Variants in SYNPO2L observed in about 807,000 individuals in gnomAD.
The protein encoded by SYNPO2L is synaptopodin 2-like protein.
In SYNPO2L, 34 loss-of-function variants were observed where a neutral mutation model predicts 47.5. The ratio of observed to expected loss-of-function variants is 0.72; its 90% CI spans 0.54 to 0.95. The LOEUF (loss-of-function observed/expected upper bound fraction) is 0.95, where lower values mean the gene tolerates loss of function less well. Among genes scored for constraint, SYNPO2L ranks in the 40% least tolerant of loss-of-function variants. The pLI, the probability that SYNPO2L is intolerant of heterozygous loss-of-function variation, is 0.00. For missense variants in SYNPO2L, 1,246 were observed against 1,282.0 expected, an observed-to-expected ratio of 0.97 and a Z score of 0.43; for synonymous variants, 536 against 524.9, an observed-to-expected ratio of 1.02 and a Z score of -0.29.
intron 3 of SYNPO2L, chr10:73,650,833 C>T (rs2081835222): frequency 6.9e-7 from 1 of 1,444,144 alleles, no homozygotes; most frequent in Non-Finnish European, 9.2e-7. Flanking sequence ...TTCCCAAAGA[C>T]TACCCTTCCT....
chr10:73,647,323 T>A lies in SYNPO2L; in HGVS notation c.2329A>T (p.Thr777Ser). Residue 777 changes from threonine to serine, a missense_variant, in exon 4 of 4, where the codon ACA becomes TCA. This residue lies in a region of SYNPO2L where 1,037 missense variants were observed against 1,021.5 expected (regional missense o/e 1.02). Transcript: ENST00000394810. Reference sequence around the variant, plus strand: ...CGAGGGCCAAGACCAGGACCAGGTGTACCTTCCACCACATACCTGTCCGCA... The same window carrying A: ...CGAGGGCCAAGACCAGGACCAGGTGAACCTTCCACCACATACCTGTCCGCA... ...SRADRYVVEGTPGPGLGPRPR... is the reference protein window; with the variant it reads ...SRADRYVVEGSPGPGLGPRPR... The A allele has an allele frequency of 6.2e-7, 1 of 1,614,042 alleles. No individual in the cohort carries two copies. Among genetic ancestry groups the A allele is most frequent in the Non-Finnish European group, 8.5e-7 (1 of 1,179,992 alleles).
chr10:73,652,531 G>T (rs761300505), intron 3 of SYNPO2L, among the ~76,000 whole-genome samples: 53 of 152,252 alleles, frequency 3.5e-4, no homozygotes, highest in Middle Eastern at 3.4e-3. Context: ...TTAGCCAGGT[G>T]TGGTGGCGGG....
chr10:73,653,617 G>A lies in SYNPO2L; in HGVS notation c.294C>T (p.Pro98=), dbSNP rs1035737823. The A allele has an allele frequency of 2.6e-6, 4 of 1,550,548 alleles. No homozygotes were observed. In the African/African-American group the frequency reaches 4.1e-5, roughly 16 times the overall value. The change falls in exon 3 of 4, where the codon CCC becomes CCT. Residue 98 remains proline, a synonymous_variant. Transcript: ENST00000394810. The part of the protein sequence containing the change: ...ADEGPVQSPS[P]HELQVLSPLS... ...AGGGTGACAGCACCTGAAGCTCATG[G>A]GGAGATGGAGATTGCACAGGACCCT...
chr10:73,654,101 G>A (rs180995331), intron 2 of SYNPO2L, 28 bp downstream of exon 2: 11 of 1,545,242 alleles, frequency 7.1e-6, no homozygotes, highest in South Asian at 2.4e-5. Context: ...CCTGGATTAG[G>A]GGAAGAGAAG....
At chr10:73,654,594 A>G (rs1208839853) in intron 1 of SYNPO2L, among the ~76,000 whole-genome samples, 1 of 152,164 alleles carries the variant, frequency 6.6e-6, no homozygotes, top group African/African-American at 2.4e-5. Context: ...CTGTAAGCCC[A>G]GTGCTTTGGG....
intron 3 of SYNPO2L, chr10:73,649,780 G>T (rs2081824016): frequency 1.0e-6 from 1 of 985,242 alleles, no homozygotes; most frequent in Non-Finnish European, 1.2e-6. Flanking sequence ...TGCCAGGGCA[G>T]TCCTCTGGGC....
At chr10:73,652,192 GC>G (rs1264745736) in intron 3 of SYNPO2L, among the ~76,000 whole-genome samples, 1 of 150,060 alleles carries the variant, frequency 6.7e-6, no homozygotes, top group Non-Finnish European at 1.5e-5. Flanking sequence ...TTGGTCTGTT[GC>G]TCACGCTGGA....
Position 73,647,239 on chromosome 10 carries a change from T to C in SYNPO2L, c.2413A>G (p.Ile805Val), listed in dbSNP as rs2081767139. ...LPPSWKYSPNIRAPPPIAYNP... is the reference protein window; with the variant it reads ...LPPSWKYSPNVRAPPPIAYNP... ...TAAGCAATAGGAGGCGGGGCACGGA[T>C]GTTGGGTGAATATTTCCAGGAAGGG... is the stretch of plus-strand genomic sequence containing the variant. Residue 805 changes from isoleucine to valine, a missense_variant, in exon 4 of 4, where the codon ATC (isoleucine) becomes GTC (valine). Coordinates refer to ENST00000394810, the MANE Select transcript of SYNPO2L (RefSeq NM_001114133.3). 3 of 1,613,358 alleles carry C rather than the reference T, an allele frequency of 1.9e-6. No individual in the cohort carries two copies. Among genetic ancestry groups the C allele is most frequent in the East Asian group, 4.5e-5 (2 of 44,798 alleles).
At position 73,648,341 on chromosome 10, in the gene SYNPO2L, G is replaced by T; in HGVS notation, c.1311C>A (p.Pro437=). 1 of 1,605,148 alleles carries T rather than the reference G, an allele frequency of 6.2e-7. No homozygotes were observed. The highest frequency in any genetic ancestry group is 1.1e-5 in the South Asian group (1 of 90,794). ...TGGCTACAGGCGCCGGCAAGGGGCT[G>T]GGTGGGAGCACAGCTGCCTCTGGGG... ...SAPPEAAVLP[P]SPLPAPVASP... is the part of the protein sequence containing the mutation. Residue 437 remains proline (P), a synonymous_variant, in exon 4 of 4, where the codon CCC becomes CCA. Coordinates refer to ENST00000394810, the MANE Select transcript of SYNPO2L (RefSeq NM_001114133.3).
chr10:73,646,189 C>CAA lies in SYNPO2L; in HGVS notation c.*528_*529insTT. On this transcript the variant is annotated 3_prime_UTR_variant, in exon 4 of 4. Transcript: ENST00000394810. ...CCTTAGACGGAAGAGCACACACACA[C>CAA]ACACACACACACACACACACACACA... 1 of 944,778 alleles carries CAA rather than the reference C, an allele frequency of 1.1e-6. No homozygotes were observed. The highest frequency in any genetic ancestry group is 1.3e-6 in the Non-Finnish European group (1 of 793,556). The allele number at this position is 944,778 out of a possible 1,614,324, so 58.5% of individuals were successfully genotyped here.
rs755404101 is a variant in SYNPO2L, at chr10:73,647,331, A to G, written c.2321T>C (p.Val774Ala). Residue 774 changes from valine to alanine, a missense_variant, in exon 4 of 4, where the codon GTG becomes GCG. This residue lies in a region of SYNPO2L where 1,037 missense variants were observed against 1,021.5 expected (regional missense o/e 1.02). Coordinates refer to ENST00000394810, the MANE Select transcript of SYNPO2L (RefSeq NM_001114133.3). ...KRQSRADRYV[V>A]EGTPGPGLGP... ...AAGACCAGGACCAGGTGTACCTTCC[A>G]CCACATACCTGTCCGCACGGCTCTG... The G allele has an allele frequency of 5.0e-6, 8 of 1,614,012 alleles. No individual in the cohort carries two copies. In the South Asian group the frequency reaches 7.7e-5, roughly 16 times the overall value.
chr10:73,647,077 T>C lies in SYNPO2L; in HGVS notation c.2575A>G (p.Thr859Ala). 6.2e-7 allele frequency: 1 copy of C among 1,613,730 alleles called. No individual in the cohort carries two copies. The highest frequency in any genetic ancestry group is 1.1e-5 in the South Asian group (1 of 91,058). The part of the protein sequence containing the change: ...FMRHQPYQLK[T>A]AMFCFDEVPP... The stretch of plus-strand genomic sequence containing the variant: ...ACCTCATCAAAACAGAACATGGCAG[T>C]TTTAAGTTGATAGGGCTGATGCCGC... Residue 859 changes from threonine to alanine, a missense_variant, in exon 4 of 4, where the codon ACT becomes GCT. By Grantham distance (58) the Thr-to-Ala change is moderately conservative (BLOSUM62 0). Transcript: ENST00000394810.
At position 73,646,178 on chromosome 10, in the gene SYNPO2L, G is replaced by GCACA. The variant is rs3219615; in HGVS notation, c.*536_*539dup. 0.18 allele frequency: 164,848 copies of GCACA among 917,382 alleles called. 4,298 individuals are homozygous for GCACA. Among genetic ancestry groups the GCACA allele is most frequent in the East Asian group, 0.38 (2,953 of 7,794 alleles). 56.8% of individuals were successfully genotyped at this position (917,382 alleles called of 1,614,324 possible). A position where few individuals can be genotyped will look rare whatever the true frequency, so the allele number is the denominator to read the frequency against. On this transcript the variant is annotated 3_prime_UTR_variant, in exon 4 of 4. Coordinates refer to ENST00000394810, the MANE Select transcript of SYNPO2L (RefSeq NM_001114133.3). ...TCTTATTCATGCCTTAGACGGAAGAGCACACACACACACACACACACACAC... is the reference window on the plus strand; with the variant it reads ...TCTTATTCATGCCTTAGACGGAAGAGCACACACACACACACACACACACACACAC...
Position 73,654,281 on chromosome 10 carries a change from C to T in SYNPO2L, c.106-1G>A. 6.4e-7 allele frequency: 1 copy of T among 1,551,428 alleles called. No individual in the cohort carries two copies. On this transcript the variant is annotated splice_acceptor_variant, in intron 1 of 3. Coordinates refer to ENST00000394810, the MANE Select transcript of SYNPO2L (RefSeq NM_001114133.3). LOFTEE classifies it high-confidence loss of function. ...TGCCAGCCTGGCTCCGTCTTCGAATCTGAGATGTTGAAGGAGACACTGTAG... is the reference window on the plus strand; with the variant it reads ...TGCCAGCCTGGCTCCGTCTTCGAATTTGAGATGTTGAAGGAGACACTGTAG...
At chr10:73,650,834 T>C in intron 3 of SYNPO2L, 2 of 1,445,710 alleles carry the variant, frequency 1.4e-6, no homozygotes, top group Non-Finnish European at 1.8e-6. Flanking sequence ...TCCCAAAGAC[T>C]ACCCTTCCTA....
Position 73,645,432 on chromosome 10 carries a change from G to A in SYNPO2L, c.*1286C>T, listed in dbSNP as rs2081736398. The A allele has an allele frequency of 6.0e-6, 6 of 999,044 alleles. No homozygotes were observed. In the South Asian group the frequency reaches 2.2e-4, roughly 36 times the overall value. The allele number at this position is 999,044 out of a possible 1,614,324, so 61.9% of individuals were successfully genotyped here. A position where few individuals can be genotyped will look rare whatever the true frequency, so the allele number is the denominator to read the frequency against. On this transcript the variant is annotated 3_prime_UTR_variant, in exon 4 of 4. Transcript: ENST00000394810. ...CATGCTTCTGATTTTGGCCTCACTT[G>A]CCACACTCTGGCTCTCTTCTCCTTT... is the stretch of plus-strand genomic sequence containing the variant.
At chr10:73,649,687 G>C (rs1341782459) in intron 3 of SYNPO2L, 1 of 978,984 alleles carries the variant, frequency 1.0e-6, no homozygotes, top group African/African-American at 1.8e-5. Context: ...GCTCTAGGTG[G>C]CCCTTCTTCC....
chr10:73,654,314 G>A (rs974439502), intron 1 of SYNPO2L, 34 bp from the exon 2 acceptor site: 2 of 1,550,290 alleles, frequency 1.3e-6, no homozygotes, highest in Non-Finnish European at 1.7e-6. Context: ...TAGGTAAGAG[G>A]GGGCTCCAAA....
rs1564995053 is a variant in SYNPO2L at position 73,653,382 on chromosome 10, G to A, written c.529C>T (p.Leu177=). The part of the protein sequence containing the change: ...PPGAPPDEVY[L]SDSPAEPAPT... ...GCTGGCTCTGCAGGGCTGTCAGACA[G>A]GTAGACCTCATCAGGTGGGGCACCC... Residue 177 remains leucine (L), a synonymous_variant, in exon 3 of 4, where the codon CTG becomes TTG. Coordinates refer to ENST00000394810, the MANE Select transcript of SYNPO2L (RefSeq NM_001114133.3). The A allele has an allele frequency of 6.4e-7, 1 of 1,551,568 alleles. No homozygotes were observed. Among genetic ancestry groups the A allele is most frequent in the Non-Finnish European group, 8.7e-7 (1 of 1,146,974 alleles).
Sources: gnomAD v4.1 joint callset for allele counts (sites outside exome capture counted in the v4.1 genomes callset) on GRCh38, gnomAD v4.1.1 for gene constraint, gnomAD v4.1.1 regional missense constraint, MANE v1.5 for transcripts, NCBI Gene and HGNC (gene_info 2026-07-23, HGNC 2026-07-21) for gene names.